Variants in NLN observed in about 807,000 individuals in gnomAD.
The protein encoded by NLN is neurolysin.
NLN carries 64 observed loss-of-function variants against 79.9 expected under a neutral mutation model. That is an observed-to-expected ratio of 0.80 (90% CI 0.65 to 0.99). The LOEUF is 0.99. NLN is among the 50% of genes least tolerant of loss of function. NLN has a pLI of 0.00. For synonymous variants in NLN, 267 were observed against 296.6 expected, an observed-to-expected ratio of 0.90 and a Z score of 1.02; for missense variants, 835 against 858.7, an observed-to-expected ratio of 0.97 and a Z score of 0.34.
At position 65,722,332 on chromosome 5, in the gene NLN, G is replaced by A. The variant is rs768308786; in HGVS notation, c.-42G>A. On this transcript the variant is annotated 5_prime_UTR_variant, in exon 1 of 13. Transcript: ENST00000380985. ...GCCGCCCGCCTCGCCGCCCCACGCC[G>A]AAGGACCACGCGCCCGCCGCCGCCA... The A allele has an allele frequency of 4.2e-5, 64 of 1,515,234 alleles. No individual in the cohort carries two copies. The highest frequency in any genetic ancestry group is 5.2e-5 in the Non-Finnish European group (59 of 1,132,918). 93.9% of individuals were successfully genotyped at this position (1,515,234 alleles called of 1,614,324 possible).
At chr5:65,790,669 G>A (rs928170217) in intron 8 of NLN, among the ~76,000 whole-genome samples, 1 of 152,210 alleles carries the variant, frequency 6.6e-6, no homozygotes, top group African/African-American at 2.4e-5. Context: ...TAAGCTTTGG[G>A]TGGAGACACA....
intron 1 of NLN, among the ~76,000 whole-genome samples, chr5:65,737,230 C>T (rs1758747227): frequency 6.6e-6 from 1 of 152,152 alleles, no homozygotes; most frequent in South Asian, 2.1e-4. Flanking sequence ...TGCTCCTGCC[C>T]TCATGGGTTT....
intron 1 of NLN, among the ~76,000 whole-genome samples, chr5:65,746,035 A>G (rs1418774546): frequency 3.3e-5 from 5 of 152,198 alleles, no homozygotes; most frequent in Non-Finnish European, 7.3e-5. Context: ...CCCAACAGGC[A>G]GTTGGTCATA....
At chr5:65,737,446 A>G (rs1227163785) in intron 1 of NLN, among the ~76,000 whole-genome samples, 1 of 152,140 alleles carries the variant, frequency 6.6e-6, no homozygotes, top group Non-Finnish European at 1.5e-5. Context: ...ACTAGTTGAC[A>G]AGTTTTCTGA....
chr5:65,736,890 C>T (rs375742747), intron 1 of NLN, among the ~76,000 whole-genome samples: 47 of 152,092 alleles, frequency 3.1e-4, no homozygotes, highest in African/African-American at 1.1e-3. Context: ...TACTTAAGCC[C>T]GGAAGTTTGA....
chr5:65,798,155 A>G (rs1760208580), intron 9 of NLN, among the ~76,000 whole-genome samples: 1 of 152,246 alleles, frequency 6.6e-6, no homozygotes, highest in Non-Finnish European at 1.5e-5. Context: ...GACTTACTGA[A>G]CATGTACCAG....
chr5:65,796,885 T>C (rs1760183868), intron 9 of NLN, among the ~76,000 whole-genome samples: 1 of 152,164 alleles, frequency 6.6e-6, no homozygotes, highest in Admixed American at 6.5e-5. Context: ...GGCAGCTCAG[T>C]GTTTGAGCTC....
intron 1 of NLN, among the ~76,000 whole-genome samples, chr5:65,751,457 G>A (rs763076268): frequency 1.3e-5 from 2 of 152,310 alleles, no homozygotes; most frequent in African/African-American, 2.4e-5. Context: ...GTGCATTGGG[G>A]TGGGGGTTTG....
chr5:65,762,822 C>A, intron 2 of NLN, 138 bp from the exon 3 acceptor site: 1 of 741,922 alleles, frequency 1.3e-6, no homozygotes, highest in Non-Finnish European at 2.1e-6. Context: ...TTCTTGGTAG[C>A]CTTAGGAGGC....
chr5:65,821,545 CTATT>C (rs1375901261), intron 12 of NLN, among the ~76,000 whole-genome samples: 3 of 152,074 alleles, frequency 2.0e-5, no homozygotes, highest in East Asian at 1.9e-4. Context: ...TTAATTTTAC[CTATT>C]TGTTTCTTTA....
At chr5:65,732,103 T>C (rs1468076243) in intron 1 of NLN, among the ~76,000 whole-genome samples, 1 of 152,220 alleles carries the variant, frequency 6.6e-6, no homozygotes, top group East Asian at 1.9e-4. Flanking sequence ...TTAAACCCTT[T>C]ATCTATCATG....
At chr5:65,780,965 C>T (rs113412772) in intron 5 of NLN, among the ~76,000 whole-genome samples, 24 of 152,282 alleles carry the variant, frequency 1.6e-4, no homozygotes, top group African/African-American at 5.8e-4. Flanking sequence ...AGCCACTGTG[C>T]CCAGCTTTCC....
intron 3 of NLN, among the ~76,000 whole-genome samples, chr5:65,771,603 G>A (rs191555946): frequency 2.0e-4 from 31 of 152,258 alleles, no homozygotes; most frequent in Admixed American, 1.5e-3. Context: ...GATTTAAATA[G>A]GAAAGCTTTA....
intron 1 of NLN, among the ~76,000 whole-genome samples, chr5:65,738,073 G>A (rs577685881): frequency 6.6e-6 from 1 of 151,164 alleles, no homozygotes; most frequent in East Asian, 2.0e-4. Context: ...AGGTTGCAGT[G>A]AGCCAAGATT....
chr5:65,803,872 G>A (rs1054654033), intron 9 of NLN, among the ~76,000 whole-genome samples: 16 of 152,206 alleles, frequency 1.1e-4, no homozygotes, highest in African/African-American at 3.9e-4. Flanking sequence ...CCCCAGCCAC[G>A]CTTCCCCCAC....
At chr5:65,811,193 T>C (rs903019401) in intron 11 of NLN, among the ~76,000 whole-genome samples, 4 of 152,136 alleles carry the variant, frequency 2.6e-5, no homozygotes, top group African/African-American at 9.7e-5. Flanking sequence ...CCAAGGAAAT[T>C]GTTATTAAAA....
chr5:65,769,800 G>T (rs1324317704), intron 3 of NLN, among the ~76,000 whole-genome samples: 2 of 152,146 alleles, frequency 1.3e-5, no homozygotes, highest in Admixed American at 6.5e-5. Flanking sequence ...TCACTGGTGG[G>T]TAAGTGCTTG....
At chr5:65,766,903 A>G (rs1759463806) in intron 3 of NLN, among the ~76,000 whole-genome samples, 1 of 152,112 alleles carries the variant, frequency 6.6e-6, no homozygotes, top group Non-Finnish European at 1.5e-5. Flanking sequence ...AAAACTCCAA[A>G]ATCTCCTTTG....
rs142460923 is a variant in NLN, at chr5:65,758,209, G to A, written c.42-358G>A. Among the ~76,000 whole-genome samples, 531 of 152,182 alleles carry A rather than the reference G, an allele frequency of 3.5e-3. 4 individuals carry two copies. Among genetic ancestry groups the A allele is most frequent in the African/African-American group, 0.012 (485 of 41,534 alleles). ...TATGATCACATCACTGCACTCCAGC[G>A]TGGGCAACAGAATGAGACCCTGTCT... On this transcript the variant is annotated intron_variant, in intron 1 of 12. Transcript: ENST00000380985.
Sources: allele counts gnomAD v4.1 joint callset (sites outside exome capture counted in the v4.1 genomes callset), GRCh38; gene constraint gnomAD v4.1.1; transcripts MANE v1.5; gene names NCBI Gene and HGNC (gene_info 2026-07-23, HGNC 2026-07-21).